WDR54: variants seen among roughly 807,000 people sequenced by gnomAD.
WDR54 encodes WD repeat domain 54.
A neutral mutation model predicts 44.1 loss-of-function variants in WDR54; 44 were observed. That is an observed-to-expected ratio of 1.00 (90% CI 0.78 to 1.28). The LOEUF (loss-of-function observed/expected upper bound fraction) is 1.28. Ranked by LOEUF, WDR54 falls within the 50% of genes most tolerant of loss-of-function variation. The probability of loss-of-function intolerance (pLI) is 0.00; values close to 1 mark genes in which losing one functional copy is unlikely to be tolerated. For synonymous variants in WDR54, 169 were observed against 169.8 expected (o/e 1.00, Z 0.04); for missense variants, 409 against 429.7 (o/e 0.95, Z 0.43).
Position 74,424,946 on chromosome 2 carries a change from C to T in WDR54, c.606C>T (p.Phe202=). 6.2e-7 allele frequency: 1 copy of T among 1,614,176 alleles called. No homozygotes were observed. The highest frequency in any genetic ancestry group is 1.1e-5 in the South Asian group (1 of 91,076). Reference sequence around the variant, plus strand: ...GTGTCTGGCGGTCAGGGCCAGAATTCACATTATTGACCCGCATTCCAGGAT... The same window carrying T: ...GTGTCTGGCGGTCAGGGCCAGAATTTACATTATTGACCCGCATTCCAGGAT... The part of the protein sequence containing the change: ...LLCVWRSGPE[F]TLLTRIPGFG... Residue 202 remains phenylalanine, a synonymous_variant, in exon 7 of 10, where the codon TTC becomes TTT. Coordinates refer to ENST00000348227, the MANE Select transcript of WDR54 (RefSeq NM_032118.4).
At chr2:74,421,969 C>T (rs1041087826) in intron 1 of WDR54, 153 bp downstream of exon 1, 1 of 645,076 alleles carries the variant, frequency 1.6e-6, no homozygotes, top group Non-Finnish European at 2.7e-6. Flanking sequence ...CCCGTCGCCC[C>T]AAAACAGCCC....
chr2:74,424,010 G>A (rs374417776), intron 6 of WDR54, 28 bp downstream of exon 6: 1 of 1,613,316 alleles, frequency 6.2e-7, no homozygotes, highest in Non-Finnish European at 8.5e-7. Flanking sequence ...ACCCATCTGG[G>A]AGCCTTCCCC....
rs762831485 is a variant in WDR54 at position 74,425,289 on chromosome 2, TGA to T, written c.798+57_798+58del. 70 of 1,543,292 alleles carry T rather than the reference TGA, an allele frequency of 4.5e-5. No individual in the cohort carries two copies. The Admixed American group carries it at 1.3e-3, about 29-fold the overall frequency. ...ACCCTTTTTCCTGGCAGTGGAATGT[TGA>T]GAGAACACCACAGGCTTGTCTTTGC... On this transcript the variant is annotated intron_variant, in intron 8 of 9. Transcript: ENST00000348227.
Position 74,425,725 on chromosome 2 carries a change from TGTG to T in WDR54, c.*27_*29del. ...GAGAAGAGCAGCCTTCCTTTGTCCC[TGTG>T]GTATTCATAAAGTACCCGCTCCACC... On this transcript the variant is annotated 3_prime_UTR_variant, in exon 10 of 10. Transcript: ENST00000348227. 2.5e-6 allele frequency: 4 copies of T among 1,613,772 alleles called. No individual in the cohort carries two copies. Among genetic ancestry groups the T allele is most frequent in the Middle Eastern group, 1.6e-4 (1 of 6,076 alleles).
At chr2:74,422,012 C>A in intron 1 of WDR54, 141 bp from the exon 2 acceptor site, 1 of 827,864 alleles carries the variant, frequency 1.2e-6, no homozygotes, top group South Asian at 1.6e-5. Context: ...TCGAGACCCT[C>A]CCCCATCACC....
At chr2:74,423,293 C>T in intron 3 of WDR54, 26 bp from the exon 4 acceptor site, 2 of 1,612,630 alleles carry the variant, frequency 1.2e-6, no homozygotes, top group African/African-American at 1.3e-5. Flanking sequence ...GGGTTATGCC[C>T]CCTGGTTCTT....
chr2:74,425,737 A>G lies in WDR54; in HGVS notation c.*36A>G. 6.2e-7 allele frequency: 1 copy of G among 1,613,510 alleles called. No homozygotes were observed. Among genetic ancestry groups the G allele is most frequent in the Non-Finnish European group, 8.5e-7 (1 of 1,179,808 alleles). On this transcript the variant is annotated 3_prime_UTR_variant, in exon 10 of 10. Transcript: ENST00000348227. Reference sequence around the variant, plus strand: ...CTTCCTTTGTCCCTGTGGTATTCATAAAGTACCCGCTCCACCCAGCCTTTG... The same window carrying G: ...CTTCCTTTGTCCCTGTGGTATTCATGAAGTACCCGCTCCACCCAGCCTTTG...
At position 74,424,437 on chromosome 2, in the gene WDR54, G is replaced by A. The variant is rs567783562; in HGVS notation, c.535-438G>A. Among the ~76,000 whole-genome samples, 212 of 152,306 alleles carry A rather than the reference G, an allele frequency of 1.4e-3. 1 individual carries two copies. The highest frequency in any genetic ancestry group is 6.8e-3 in the Middle Eastern group (2 of 294). On this transcript the variant is annotated intron_variant, in intron 6 of 9. Transcript: ENST00000348227. ...AATTTGCAAACCTCTTGAGAACAGG[G>A]TGTATATTTTCTTATTCATATTCTC...
rs779221206 is a variant in WDR54, at chr2:74,423,988, T to C, written c.534+6T>C. 15 of 1,612,540 alleles carry C rather than the reference T, an allele frequency of 9.3e-6. No homozygotes were observed. The highest frequency in any genetic ancestry group is 2.7e-5 in the African/African-American group (2 of 74,460). On this transcript the variant is annotated splice_donor_region_variant and intron_variant, in intron 6 of 9. Transcript: ENST00000348227. ...CCGAGCCTGCCCAGGGACAGGTGAG[T>C]GGACTTCCCCTACCCATCTGGGAGC...
chr2:74,422,794 CAAAAAAAAAA>C, intron 2 of WDR54, 66 bp from the exon 3 acceptor site: 4 of 1,050,080 alleles, frequency 3.8e-6, no homozygotes, highest in Non-Finnish European at 5.4e-6. Flanking sequence ...CTCCGTCCCC[CAAAAAAAAAA>C]AAAAAACAAA....
At chr2:74,422,816 A>T (rs557886021) in intron 2 of WDR54, 54 bp from the exon 3 acceptor site, 2 of 1,504,212 alleles carry the variant, frequency 1.3e-6, no homozygotes, top group African/African-American at 1.4e-5. Context: ...AAAAACAAAC[A>T]AACTCATCTT....
chr2:74,424,570 C>G (rs960797432), intron 6 of WDR54, among the ~76,000 whole-genome samples: 7 of 152,190 alleles, frequency 4.6e-5, no homozygotes, highest in Non-Finnish European at 8.8e-5. Context: ...ACTACGAGAC[C>G]TCCAGAAGGT....
At chr2:74,423,422 G>A (rs1385890086) in intron 4 of WDR54, 37 bp downstream of exon 4, 5 of 1,614,026 alleles carry the variant, frequency 3.1e-6, no homozygotes, top group South Asian at 2.2e-5. Flanking sequence ...GGCAGGGAGT[G>A]TTTGCTAGGG....
intron 8 of WDR54, 80 bp from the exon 9 acceptor site, chr2:74,425,337 C>A: frequency 6.3e-7 from 1 of 1,590,188 alleles, no homozygotes; most frequent in South Asian, 1.1e-5. Flanking sequence ...AGCCCCCTCC[C>A]CTGGGGCACC....
chr2:74,425,245 T>A lies in WDR54; in HGVS notation c.798+8T>A, dbSNP rs375274002. ...GCTTCTGAGGTGGGCAAGGTAAGTC[T>A]CCTCCTCTGTACCTACATACCCTTT... On this transcript the variant is annotated splice_region_variant and intron_variant, in intron 8 of 9. Coordinates refer to ENST00000348227, the MANE Select transcript of WDR54 (RefSeq NM_032118.4). 1.3e-6 allele frequency: 2 copies of A among 1,532,168 alleles called. No individual in the cohort carries two copies. The highest frequency in any genetic ancestry group is 1.8e-6 in the Non-Finnish European group (2 of 1,139,326). The allele number at this position is 1,532,168 out of a possible 1,614,324, so 94.9% of individuals were successfully genotyped here.
intron 5 of WDR54, 71 bp from the exon 6 acceptor site, chr2:74,423,784 G>C (rs1337070830): frequency 6.3e-6 from 10 of 1,588,318 alleles, no homozygotes; most frequent in Non-Finnish European, 8.6e-6. Context: ...GATGGAGTAA[G>C]TGTTGAGTAT....
At chr2:74,422,008 C>A in intron 1 of WDR54, 145 bp from the exon 2 acceptor site, 1 of 799,242 alleles carries the variant, frequency 1.3e-6, no homozygotes, top group Non-Finnish European at 2.0e-6. Flanking sequence ...CTCCTCGAGA[C>A]CCTCCCCCAT....
At chr2:74,423,245 C>CTA (rs1214362488) in intron 3 of WDR54, 74 bp from the exon 4 acceptor site, 1 of 1,534,222 alleles carries the variant, frequency 6.5e-7, no homozygotes, top group Non-Finnish European at 9.0e-7. Context: ...TGGGCTAAGG[C>CTA]TAACACGGAT....
rs765859051 is a variant in WDR54, at chr2:74,424,985, G to A, written c.635+10G>A. On this transcript the variant is annotated intron_variant, in intron 7 of 9. Coordinates refer to ENST00000348227, the MANE Select transcript of WDR54 (RefSeq NM_032118.4). ...GCATTCCAGGATTTGGGTAGGTGAG[G>A]CAGAAAGGGTAGAGGGCTTCCTGAG... The A allele has an allele frequency of 6.2e-7, 1 of 1,614,242 alleles. No homozygotes were observed. Among genetic ancestry groups the A allele is most frequent in the Non-Finnish European group, 8.5e-7 (1 of 1,180,038 alleles).
Sources: gnomAD v4.1 joint callset for allele counts (sites outside exome capture counted in the v4.1 genomes callset) on GRCh38, gnomAD v4.1.1 for gene constraint, MANE v1.5 for transcripts, NCBI Gene and HGNC (gene_info 2026-07-23, HGNC 2026-07-21) for gene names.